Variants in PDE3B observed in about 807,000 individuals in gnomAD.
PDE3B encodes the protein cGMP-inhibited 3',5'-cyclic phosphodiesterase 3B.
PDE3B carries 66 observed loss-of-function variants against 116.8 expected under a neutral mutation model. The observed-to-expected ratio is 0.56, with a 90% CI of 0.46 to 0.69. The LOEUF (loss-of-function observed/expected upper bound fraction) is 0.69. Among genes scored for constraint, PDE3B ranks in the 30% least tolerant of loss-of-function variants. PDE3B has a pLI of 0.00. For missense variants in PDE3B, 1,384 were observed against 1,368.1 expected (o/e 1.01, Z -0.18); for synonymous variants, 595 against 533.6 (o/e 1.12, Z -1.59).
chr11:14,747,940 A>G lies in PDE3B; in HGVS notation c.979-23997A>G, dbSNP rs1228536998. 2.6e-5 allele frequency among the ~76,000 whole-genome samples: 4 copies of G among 152,206 alleles called. No individual in the cohort carries two copies. The South Asian group carries it at 8.3e-4, about 32-fold the overall frequency. ...AAATAGTCACTATTTGACTTACCAC[A>G]TACGTAATGACAAGAAATTTACAAG... On this transcript the variant is annotated intron_variant, in intron 1 of 15. Coordinates refer to ENST00000282096, the MANE Select transcript of PDE3B (RefSeq NM_000922.4).
intron 5 of PDE3B, among the ~76,000 whole-genome samples, chr11:14,812,956 A>G (rs1026091326): frequency 1.3e-5 from 2 of 152,060 alleles, no homozygotes; most frequent in Non-Finnish European, 2.9e-5. Context: ...TGCCTTATAA[A>G]AGAGACCTCA....
chr11:14,711,618 A>G (rs900276839), intron 1 of PDE3B, among the ~76,000 whole-genome samples: 1 of 152,078 alleles, frequency 6.6e-6, no homozygotes, highest in Non-Finnish European at 1.5e-5. Flanking sequence ...TCATATCTCA[A>G]GAGAACTCAC....
chr11:14,753,885 A>G (rs890037542), intron 1 of PDE3B, among the ~76,000 whole-genome samples: 3 of 152,096 alleles, frequency 2.0e-5, no homozygotes, highest in Non-Finnish European at 4.4e-5. Context: ...GAAAAGCAAG[A>G]CTTGTTATAA....
At position 14,644,177 on chromosome 11, in the gene PDE3B, C is replaced by T; in HGVS notation, c.102C>T (p.Ser34=). 1 of 1,596,792 alleles carries T rather than the reference C, an allele frequency of 6.3e-7. No individual in the cohort carries two copies. The highest frequency in any genetic ancestry group is 8.5e-7 in the Non-Finnish European group (1 of 1,177,842). The change falls in exon 1 of 16, where the codon AGC becomes AGT. Residue 34 remains serine (S), a synonymous_variant. Coordinates refer to ENST00000282096, the MANE Select transcript of PDE3B (RefSeq NM_000922.4). The part of the protein sequence containing the change: ...PESLRNGYVK[S]CVSPLRQDPP... Reference sequence around the variant, plus strand: ...GTCTGAGGAACGGCTACGTGAAGAGCTGCGTGAGCCCCTTGCGGCAGGACC... The same window carrying T: ...GTCTGAGGAACGGCTACGTGAAGAGTTGCGTGAGCCCCTTGCGGCAGGACC...
At chr11:14,827,396 T>C (rs924341053) in intron 7 of PDE3B, among the ~76,000 whole-genome samples, 4 of 152,068 alleles carry the variant, frequency 2.6e-5, no homozygotes, top group Non-Finnish European at 4.4e-5. Flanking sequence ...TTTGCAGACA[T>C]GATTCTATAT....
At chr11:14,866,546 A>T (rs1848051213) in intron 14 of PDE3B, among the ~76,000 whole-genome samples, 1 of 152,192 alleles carries the variant, frequency 6.6e-6, no homozygotes, top group African/African-American at 2.4e-5. Flanking sequence ...TTGGAAAAAT[A>T]TCAATTGTTT....
At chr11:14,836,969 A>G (rs969785744) in intron 11 of PDE3B, among the ~76,000 whole-genome samples, 1 of 152,200 alleles carries the variant, frequency 6.6e-6, no homozygotes, top group African/African-American at 2.4e-5. Flanking sequence ...GCACGCTGCC[A>G]TGCCTGGCTA....
chr11:14,777,216 G>A (rs983244946), intron 2 of PDE3B, among the ~76,000 whole-genome samples: 1 of 152,054 alleles, frequency 6.6e-6, no homozygotes, highest in African/African-American at 2.4e-5. Context: ...TTACAACATA[G>A]AGGAAACAGA....
chr11:14,867,193 C>A (rs559501753), intron 14 of PDE3B, among the ~76,000 whole-genome samples: 1 of 152,116 alleles, frequency 6.6e-6, no homozygotes, highest in Admixed American at 6.5e-5. Context: ...TAAAGAGAAT[C>A]CATAATTGAC....
rs1393287763 is a variant in PDE3B at position 14,800,801 on chromosome 11, C to T, written c.1416-3143C>T. On this transcript the variant is annotated intron_variant, in intron 4 of 15. Coordinates refer to ENST00000282096, the MANE Select transcript of PDE3B (RefSeq NM_000922.4). ...GTCACTTTCAGGTACACCAATCAAA[C>T]GCAGATTTGGTATTTTCACATAGTC... Among the ~76,000 whole-genome samples the T allele has an allele frequency of 5.3e-5, 8 of 152,244 alleles. No individual in the cohort carries two copies. The South Asian group carries it at 6.2e-4, about 12-fold the overall frequency.
At chr11:14,666,551 A>G (rs1399057539) in intron 1 of PDE3B, among the ~76,000 whole-genome samples, 6 of 151,672 alleles carry the variant, frequency 4.0e-5, no homozygotes, top group African/African-American at 1.5e-4. Context: ...AAGGGCTAAT[A>G]TCCAGAATCT....
intron 1 of PDE3B, among the ~76,000 whole-genome samples, chr11:14,661,566 T>C (rs1410362994): frequency 1.3e-5 from 2 of 151,958 alleles, no homozygotes; most frequent in Non-Finnish European, 2.9e-5. Context: ...AAGAAAGGGG[T>C]GACAGACGGC....
intron 2 of PDE3B, among the ~76,000 whole-genome samples, chr11:14,784,131 A>C (rs1468102514): frequency 6.6e-6 from 1 of 152,172 alleles, no homozygotes; most frequent in African/African-American, 2.4e-5. Context: ...TCGCACCCCT[A>C]CCCAGTCTGT....
chr11:14,785,562 C>A (rs1469433439), intron 2 of PDE3B, among the ~76,000 whole-genome samples: 1 of 151,796 alleles, frequency 6.6e-6, no homozygotes, highest in Non-Finnish European at 1.5e-5. Flanking sequence ...ACAACAACAA[C>A]AAAAAACAAA....
rs542040198 is a variant in PDE3B at position 14,663,123 on chromosome 11, T to C, written c.978+18070T>C. Among the ~76,000 whole-genome samples, 53 of 150,444 alleles carry C rather than the reference T, an allele frequency of 3.5e-4. No individual in the cohort carries two copies. The East Asian group carries it at 6.5e-3, about 19-fold the overall frequency. On this transcript the variant is annotated intron_variant, in intron 1 of 15. Transcript: ENST00000282096. Reference sequence around the variant, plus strand: ...ACAGCGGATCTCTCAGCAGAAACTCTACAAGCCAGAAGAGAGTGGGGGCCA... The same window carrying C: ...ACAGCGGATCTCTCAGCAGAAACTCCACAAGCCAGAAGAGAGTGGGGGCCA...
chr11:14,875,159 T>C (rs1555009545), downstream of PDE3B, among the ~76,000 whole-genome samples: 1 of 152,180 alleles, frequency 6.6e-6, no homozygotes, highest in Non-Finnish European at 1.5e-5. Flanking sequence ...GCTTGATTTC[T>C]TTCCACTTTT....
chr11:14,790,121 C>G (rs1453064422), intron 4 of PDE3B, among the ~76,000 whole-genome samples: 1 of 151,956 alleles, frequency 6.6e-6, no homozygotes, highest in Non-Finnish European at 1.5e-5. Flanking sequence ...TTTATGTTAA[C>G]AGATAATTAG....
intron 4 of PDE3B, among the ~76,000 whole-genome samples, chr11:14,794,653 G>A (rs762300905): frequency 1.3e-5 from 2 of 152,064 alleles, no homozygotes; most frequent in African/African-American, 2.4e-5. Flanking sequence ...TGGAGATAGC[G>A]TCAGATCATA....
chr11:14,824,927 A>C (rs1381983988), intron 7 of PDE3B, among the ~76,000 whole-genome samples: 1 of 152,154 alleles, frequency 6.6e-6, no homozygotes, highest in African/African-American at 2.4e-5. Flanking sequence ...CTAACAGTGG[A>C]CATCTCAGCA....
Sources: gnomAD v4.1 joint callset for allele counts (sites outside exome capture counted in the v4.1 genomes callset) on GRCh38, gnomAD v4.1.1 for gene constraint, MANE v1.5 for transcripts, NCBI Gene and HGNC (gene_info 2026-07-23, HGNC 2026-07-21) for gene names.